The following AGO3 variants were observed in gnomAD, a reference collection of about 807,000 sequenced individuals.
The protein encoded by AGO3 is protein argonaute-3.
In AGO3, 16 loss-of-function variants were observed where a neutral mutation model predicts 105.5. That is an observed-to-expected ratio of 0.15 (90% confidence interval 0.10 to 0.23). AGO3 has a LOEUF of 0.23. Ranked by LOEUF, AGO3 falls within the 10% of genes least tolerant of loss-of-function variation. The pLI, the probability that AGO3 is intolerant of heterozygous loss-of-function variation, is 1.00. For synonymous variants in AGO3, 340 were observed against 367.3 expected, an observed-to-expected ratio of 0.93 and a Z score of 0.85; for missense variants, 534 against 1,088.0, an observed-to-expected ratio of 0.49 and a Z score of 7.16.
At chr1:36,007,773 T>C (rs969837389) in intron 6 of AGO3, among the ~76,000 whole-genome samples, 1 of 152,184 alleles carries the variant, frequency 6.6e-6, no homozygotes. Context: ...TAACATGTTA[T>C]TAGTGATTAC....
Position 36,068,662 on chromosome 1 carries a change from A to G in AGO3, c.*12917A>G, listed in dbSNP as rs1363093373. On this transcript the variant is annotated 3_prime_UTR_variant, in exon 19 of 19. Transcript: ENST00000373191. ...AATGTTATGACTTTTATTCTGATAC[A>G]TGGCTTCTAAAATATGTAAAAAATT... 6.6e-6 allele frequency: 1 copy of G among 152,246 alleles called. No homozygotes were observed. Among genetic ancestry groups the G allele is most frequent in the Non-Finnish European group, 1.5e-5 (1 of 68,050 alleles). 9.4% of individuals were successfully genotyped at this position (152,246 alleles called of 1,614,324 possible). A position where few individuals can be genotyped will look rare whatever the true frequency, so the allele number is the denominator to read the frequency against.
rs530774027 is a variant in AGO3, at chr1:36,059,476, A to G, written c.*3731A>G. On this transcript the variant is annotated 3_prime_UTR_variant, in exon 19 of 19. Transcript: ENST00000373191. ...GCTCCTGCCCTTGCTCACTAACTATATCATGAATGCTAGATTTTGGTCTTC... is the reference window on the plus strand; with the variant it reads ...GCTCCTGCCCTTGCTCACTAACTATGTCATGAATGCTAGATTTTGGTCTTC... The G allele has an allele frequency of 6.6e-6, 1 of 151,350 alleles. No homozygotes were observed. The highest frequency in any genetic ancestry group is 2.4e-5 in the African/African-American group (1 of 41,222). The allele number at this position is 151,350 out of a possible 1,614,324, so 9.4% of individuals were successfully genotyped here.
At chr1:36,009,166 A>G in intron 8 of AGO3, 122 bp downstream of exon 8, 2 of 1,218,096 alleles carry the variant, frequency 1.6e-6, no homozygotes, top group Non-Finnish European at 2.1e-6. Context: ...TTTAAGTTTT[A>G]ATTTATTCTA....
intron 5 of AGO3, among the ~76,000 whole-genome samples, chr1:35,989,538 A>G (rs182108915): frequency 5.7e-4 from 86 of 152,206 alleles, no homozygotes; most frequent in African/African-American, 1.6e-3. Flanking sequence ...AGGCCAGCCC[A>G]TTTGCAACTT....
chr1:35,954,072 C>A (rs1366960426), intron 2 of AGO3, among the ~76,000 whole-genome samples: 11 of 152,068 alleles, frequency 7.2e-5, no homozygotes, highest in Admixed American at 7.2e-4. Context: ...ATGATTTAGA[C>A]AACATACTTC....
chr1:35,954,314 TATA>T (rs1359687395), intron 2 of AGO3, among the ~76,000 whole-genome samples: 1 of 138,738 alleles, frequency 7.2e-6, no homozygotes, highest in Non-Finnish European at 1.5e-5. Flanking sequence ...ATTCCTATAA[TATA>T]TTTGAAACTT....
intron 11 of AGO3, among the ~76,000 whole-genome samples, chr1:36,025,704 A>C (rs1258331677): frequency 1.3e-5 from 2 of 152,182 alleles, no homozygotes; most frequent in African/African-American, 4.8e-5. Flanking sequence ...ATTGTTGCTC[A>C]TTATTGCTTA....
At chr1:36,007,709 A>C (rs1640404696) in intron 6 of AGO3, among the ~76,000 whole-genome samples, 1 of 152,012 alleles carries the variant, frequency 6.6e-6, no homozygotes, top group African/African-American at 2.4e-5. Flanking sequence ...AAAAACCTAA[A>C]TAAAATTAAA....
intron 5 of AGO3, among the ~76,000 whole-genome samples, chr1:36,002,404 A>G (rs1353817036): frequency 7.2e-6 from 1 of 139,480 alleles, no homozygotes; most frequent in Non-Finnish European, 1.5e-5. Context: ...ATCTCGGCTC[A>G]CTGCAACCTC....
At chr1:35,995,209 A>AAAATATATAT (rs1237315557) in intron 5 of AGO3, among the ~76,000 whole-genome samples, 12 of 114,736 alleles carry the variant, frequency 1.0e-4, no homozygotes, top group African/African-American at 4.1e-4. Flanking sequence ...TAAAAAAAAA[A>AAAATATATAT]ATATATATAT....
At chr1:36,036,052 AAT>A in intron 13 of AGO3, 123 bp from the exon 14 acceptor site, 60 of 723,052 alleles carry the variant, frequency 8.3e-5, no homozygotes, top group East Asian at 1.6e-4. Flanking sequence ...AAAAAAAAAA[AAT>A]TTGGATTACA....
intron 5 of AGO3, among the ~76,000 whole-genome samples, chr1:35,994,106 A>G (rs1208173621): frequency 7.8e-6 from 1 of 128,940 alleles, no homozygotes; most frequent in African/African-American, 3.1e-5. Flanking sequence ...GCTGGAATGC[A>G]GTAGTGTGAT....
At position 35,991,626 on chromosome 1, in the gene AGO3, G is replaced by C. The variant is rs1253378150; in HGVS notation, c.659-12715G>C. Among the ~76,000 whole-genome samples, 12 of 151,052 alleles carry C rather than the reference G, an allele frequency of 7.9e-5. No homozygotes were observed. In the South Asian group the frequency reaches 2.5e-3, roughly 31 times the overall value. On this transcript the variant is annotated intron_variant, in intron 5 of 18. Transcript: ENST00000373191. ...TTAAAATGATAGTTTAGCTCTTTCT[G>C]TGGTGGAAATAATTTTTCTTCAGAA...
chr1:36,046,623 TAAAAAAAAAAAAAAAAAAAAA>T (rs3073806), intron 17 of AGO3, among the ~76,000 whole-genome samples: 2 of 34,468 alleles, frequency 5.8e-5, no homozygotes, highest in Non-Finnish European at 1.0e-4. Context: ...AGTCTCTATT[TAAAAAAAAAAAAAAAAAAAAA>T]AAAAAAAAAA....
chr1:36,039,757 A>G, intron 14 of AGO3, 33 bp from the exon 15 acceptor site: 1 of 1,213,052 alleles, frequency 8.2e-7, no homozygotes, highest in Non-Finnish European at 1.1e-6. Context: ...ATTTTTATTT[A>G]TTTATTTATT....
At chr1:35,975,448 C>G (rs1458090176) in intron 5 of AGO3, among the ~76,000 whole-genome samples, 2 of 151,584 alleles carry the variant, frequency 1.3e-5, no homozygotes, top group Non-Finnish European at 2.9e-5. Flanking sequence ...AGAATGCTTT[C>G]TAAATTAAGG....
At chr1:36,053,976 AC>A (rs1642827262) in intron 17 of AGO3, among the ~76,000 whole-genome samples, 1 of 151,480 alleles carries the variant, frequency 6.6e-6, no homozygotes, top group African/African-American at 2.4e-5. Flanking sequence ...CTTGATCTCC[AC>A]CACATCTGGC....
chr1:35,939,220 ATAT>A (rs1489386054), intron 1 of AGO3, among the ~76,000 whole-genome samples: 3 of 152,110 alleles, frequency 2.0e-5, no homozygotes, highest in Non-Finnish European at 2.9e-5. Flanking sequence ...ATATTTCATA[ATAT>A]TCTGGATATT....
intron 1 of AGO3, among the ~76,000 whole-genome samples, chr1:35,939,236 G>T (rs1383422344): frequency 1.3e-5 from 2 of 151,802 alleles, no homozygotes; most frequent in Non-Finnish European, 2.9e-5. Flanking sequence ...TGGATATTAT[G>T]AAAATATCCA....
Sources: allele counts gnomAD v4.1 joint callset (sites outside exome capture counted in the v4.1 genomes callset), GRCh38; gene constraint gnomAD v4.1.1; transcripts MANE v1.5; gene names NCBI Gene and HGNC (gene_info 2026-07-23, HGNC 2026-07-21).